Variants in ABI2 observed in about 807,000 individuals in gnomAD.
The protein encoded by ABI2 is abl interactor 2, also known as abelson interactor 2.
ABI2 carries 25 observed loss-of-function variants against 59.2 expected under a neutral mutation model. That is an observed-to-expected ratio of 0.42 (90% CI 0.31 to 0.59). ABI2 has a LOEUF of 0.59. Among genes scored for constraint, ABI2 ranks in the 20% least tolerant of loss-of-function variants. ABI2 has a pLI of 0.14. For missense variants in ABI2, 545 were observed against 681.8 expected, an observed-to-expected ratio of 0.80 and a Z score of 2.23; for synonymous variants, 213 against 235.5, an observed-to-expected ratio of 0.90 and a Z score of 0.87.
Position 203,429,086 on chromosome 2 carries a change from T to A in ABI2, c.*1734T>A, listed in dbSNP as rs2098462872. ...TATAGAGTTTCCTTATCAAGACTTT[T>A]TGGTTTTAAAGTTGTTTTTAATGCA... On this transcript the variant is annotated 3_prime_UTR_variant, in exon 12 of 12. Transcript: ENST00000261018. 1 of 152,226 alleles carries A rather than the reference T, an allele frequency of 6.6e-6. No individual in the cohort carries two copies. The highest frequency in any genetic ancestry group is 2.1e-4 in the South Asian group (1 of 4,830). The allele number at this position is 152,226 out of a possible 1,614,324, so 9.4% of individuals were successfully genotyped here.
chr2:203,358,962 A>G (rs1046855496), intron 1 of ABI2, among the ~76,000 whole-genome samples: 1 of 152,204 alleles, frequency 6.6e-6, no homozygotes, highest in Non-Finnish European at 1.5e-5. Context: ...CAGTGAGCCA[A>G]TATCGTGCCA....
rs144591463 is a variant in ABI2 at position 203,350,959 on chromosome 2, T to G, written c.118-15918T>G. Among the ~76,000 whole-genome samples the G allele has an allele frequency of 3.1e-3, 477 of 152,160 alleles. 5 individuals are homozygous for G. The highest frequency in any genetic ancestry group is 0.01 in the African/African-American group (429 of 41,518). On this transcript the variant is annotated intron_variant, in intron 1 of 11. Transcript: ENST00000261018. ...GCCTAATCCAGAGTCTTTGAAGATT[T>G]TCTCCTAGGAGTTTTATAGTTTTAG...
At chr2:203,374,974 C>T in intron 2 of ABI2, 1 of 361,612 alleles carries the variant, frequency 2.8e-6, no homozygotes, top group South Asian at 2.1e-5. Flanking sequence ...GTGGCCTGAG[C>T]ATGTGCTTGG....
intron 1 of ABI2, among the ~76,000 whole-genome samples, chr2:203,348,594 A>G (rs903602170): frequency 6.6e-6 from 1 of 152,236 alleles, no homozygotes; most frequent in Non-Finnish European, 1.5e-5. Flanking sequence ...AAAAACATTC[A>G]ACAATAATGT....
At chr2:203,392,645 A>C (rs2096806137) in intron 5 of ABI2, among the ~76,000 whole-genome samples, 1 of 152,116 alleles carries the variant, frequency 6.6e-6, no homozygotes, top group African/African-American at 2.4e-5. Context: ...GATGAAGAGG[A>C]ACTCTGTTTT....
chr2:203,427,084 G>A (rs945922689), intron 11 of ABI2, 93 bp from the exon 12 acceptor site: 2 of 1,130,214 alleles, frequency 1.8e-6, no homozygotes. Flanking sequence ...AGTGCTACAG[G>A]ATTTGGGAAC....
At chr2:203,391,469 C>A (rs2096739489) in intron 5 of ABI2, among the ~76,000 whole-genome samples, 1 of 152,164 alleles carries the variant, frequency 6.6e-6, no homozygotes. Context: ...TTAACTCCAA[C>A]TATCCTTTTT....
At chr2:203,399,960 C>T (rs984524800) in intron 8 of ABI2, among the ~76,000 whole-genome samples, 2 of 150,980 alleles carry the variant, frequency 1.3e-5, no homozygotes, top group African/African-American at 4.9e-5. Context: ...AGATTTTGTT[C>T]TGTGTTTTCT....
At chr2:203,381,676 C>T (rs2096138081) in intron 3 of ABI2, among the ~76,000 whole-genome samples, 1 of 152,140 alleles carries the variant, frequency 6.6e-6, no homozygotes, top group South Asian at 2.1e-4. Flanking sequence ...TTTCTTCTAA[C>T]TTGGGAAAAT....
At chr2:203,345,556 G>C (rs1030133479) in intron 1 of ABI2, among the ~76,000 whole-genome samples, 35 of 152,146 alleles carry the variant, frequency 2.3e-4, no homozygotes, top group Non-Finnish European at 5.1e-4. Context: ...GACAACAGGT[G>C]CCCGCCACCA....
At chr2:203,377,047 G>A (rs2095752361) in intron 2 of ABI2, among the ~76,000 whole-genome samples, 1 of 152,184 alleles carries the variant, frequency 6.6e-6, no homozygotes, top group South Asian at 2.1e-4. Flanking sequence ...GCCAGGCATA[G>A]TGGCTCATGC....
At chr2:203,331,319 A>G (rs1019972779) in intron 1 of ABI2, among the ~76,000 whole-genome samples, 10 of 145,056 alleles carry the variant, frequency 6.9e-5, no homozygotes, top group Non-Finnish European at 1.4e-4. Flanking sequence ...GTTAATTCAC[A>G]GGATCAGTGA....
intron 1 of ABI2, among the ~76,000 whole-genome samples, chr2:203,334,458 G>T (rs770456929): frequency 6.6e-6 from 1 of 152,056 alleles, no homozygotes. Flanking sequence ...TGCAGTTTCA[G>T]GGTGTGTAAG....
intron 9 of ABI2, among the ~76,000 whole-genome samples, chr2:203,403,782 C>T (rs6721546): frequency 0.45 from 61,228 of 135,016 alleles, 15,304 homozygotes; most frequent in Middle Eastern, 0.73. Context: ...GATGGAGTCT[C>T]GCTCTGTTGC....
chr2:203,419,842 GC>G (rs1559385371), intron 11 of ABI2, among the ~76,000 whole-genome samples: 20 of 152,172 alleles, frequency 1.3e-4, no homozygotes, highest in African/African-American at 4.6e-4. Context: ...TACAAAATTA[GC>G]TGGGCATGGT....
At chr2:203,425,435 T>A (rs1355361882) in intron 11 of ABI2, among the ~76,000 whole-genome samples, 1 of 152,092 alleles carries the variant, frequency 6.6e-6, no homozygotes, top group Non-Finnish European at 1.5e-5. Flanking sequence ...ACTTCTGATG[T>A]CAGCAGTCTG....
intron 5 of ABI2, among the ~76,000 whole-genome samples, chr2:203,392,978 A>T (rs545801849): frequency 3.5e-3 from 376 of 108,734 alleles, no homozygotes; most frequent in African/African-American, 5.3e-3. Context: ...TTTTTTTTTT[A>T]AAAAAAATCT....
Position 203,395,563 on chromosome 2 carries a change from T to C in ABI2, c.726-93T>C, listed in dbSNP as rs148675229. On this transcript the variant is annotated intron_variant, in intron 6 of 11. Transcript: ENST00000261018. ...TGGTACGCTTTTGAATTACCTTTATTGTAGCTACATTCATCTCAGAAAATG... is the reference window on the plus strand; with the variant it reads ...TGGTACGCTTTTGAATTACCTTTATCGTAGCTACATTCATCTCAGAAAATG... 498 of 1,378,658 alleles carry C rather than the reference T, an allele frequency of 3.6e-4. 5 individuals are homozygous for C. In the African/African-American group the frequency reaches 6.7e-3, roughly 18 times the overall value. The allele number at this position is 1,378,658 out of a possible 1,614,324, so 85.4% of individuals were successfully genotyped here. A position where few individuals can be genotyped will look rare whatever the true frequency, so the allele number is the denominator to read the frequency against.
At chr2:203,389,333 A>G (rs1578680366) in intron 4 of ABI2, among the ~76,000 whole-genome samples, 1 of 152,202 alleles carries the variant, frequency 6.6e-6, no homozygotes, top group East Asian at 1.9e-4. Flanking sequence ...TGACATTTCA[A>G]AGGTATCATT....
Sources: allele counts gnomAD v4.1 joint callset (sites outside exome capture counted in the v4.1 genomes callset), GRCh38; gene constraint gnomAD v4.1.1; transcripts MANE v1.5; gene names NCBI Gene and HGNC (gene_info 2026-07-23, HGNC 2026-07-21).